The following PDE8A variants were observed in gnomAD, a reference collection of about 807,000 sequenced individuals.
PDE8A encodes the protein phosphodiesterase 8A.
PDE8A carries 59 observed loss-of-function variants against 105.0 expected under a neutral mutation model. That is an observed-to-expected ratio of 0.56 (90% confidence interval 0.46 to 0.70). PDE8A has a LOEUF of 0.70. PDE8A is among the 30% of genes least tolerant of loss of function. The pLI is 0.00. For synonymous variants in PDE8A, 355 were observed against 371.9 expected, an observed-to-expected ratio of 0.95 and a Z score of 0.52; for missense variants, 1,014 against 1,045.9, an observed-to-expected ratio of 0.97 and a Z score of 0.42.
intron 1 of PDE8A, among the ~76,000 whole-genome samples, chr15:85,020,079 G>A (rs1008283833): frequency 6.7e-6 from 1 of 150,304 alleles, no homozygotes; most frequent in Non-Finnish European, 1.5e-5. Context: ...TCAGAAATGA[G>A]TCAAAGAAGG....
chr15:85,001,176 G>C (rs911271254), intron 1 of PDE8A, among the ~76,000 whole-genome samples: 1 of 152,094 alleles, frequency 6.6e-6, no homozygotes, highest in Non-Finnish European at 1.5e-5. Flanking sequence ...CCAGGGACTT[G>C]ATAACCTCTG....
intron 19 of PDE8A, among the ~76,000 whole-genome samples, chr15:85,125,548 T>G (rs1026507216): frequency 1.3e-5 from 2 of 152,222 alleles, no homozygotes; most frequent in Admixed American, 6.5e-5. Context: ...GGCTGGTTGC[T>G]TTGGACAAGT....
intron 18 of PDE8A, 113 bp from the exon 19 acceptor site, chr15:85,122,948 A>G (rs1030982477): frequency 4.7e-6 from 5 of 1,071,136 alleles, no homozygotes; most frequent in Non-Finnish European, 6.9e-6. Flanking sequence ...TTTCAGTGGC[A>G]TTAGATTTAT....
intron 20 of PDE8A, among the ~76,000 whole-genome samples, chr15:85,135,114 G>A (rs967553033): frequency 2.6e-5 from 4 of 152,174 alleles, no homozygotes; most frequent in African/African-American, 7.2e-5. Context: ...GTGAGGCCCT[G>A]TGGAGCAAGG....
At chr15:85,006,459 CATTT>C (rs1483982384) in intron 1 of PDE8A, among the ~76,000 whole-genome samples, 1 of 152,118 alleles carries the variant, frequency 6.6e-6, no homozygotes, top group Non-Finnish European at 1.5e-5. Flanking sequence ...TGGGAATTAA[CATTT>C]AGTCTACCTG....
chr15:85,059,551 T>G (rs2081112759), intron 1 of PDE8A, among the ~76,000 whole-genome samples: 1 of 152,236 alleles, frequency 6.6e-6, no homozygotes, highest in African/African-American at 2.4e-5. Flanking sequence ...CTTGTTACTC[T>G]GTTGAATGTT....
rs548223977 is a variant in PDE8A, at chr15:85,080,002, G to A, written c.546+3215G>A. On this transcript the variant is annotated intron_variant, in intron 5 of 21. Transcript: ENST00000394553. ...TAGGCTGTTAGATTGGGTTGAAAAAGTACAATTCTATAACAGTTACAAGAC... is the reference window on the plus strand; with the variant it reads ...TAGGCTGTTAGATTGGGTTGAAAAAATACAATTCTATAACAGTTACAAGAC... 3.7e-4 allele frequency among the ~76,000 whole-genome samples: 57 copies of A among 152,136 alleles called. 1 individual carries two copies. Among genetic ancestry groups the A allele is most frequent in the South Asian group, 1.0e-3 (5 of 4,824 alleles).
At chr15:85,034,549 C>T (rs150938210) in intron 1 of PDE8A, among the ~76,000 whole-genome samples, 16 of 152,262 alleles carry the variant, frequency 1.1e-4, no homozygotes, top group African/African-American at 3.9e-4. Flanking sequence ...GCTGTTCCCT[C>T]ATCGTTAATA....
chr15:85,059,764 G>A (rs749878985), intron 1 of PDE8A, among the ~76,000 whole-genome samples: 4 of 152,118 alleles, frequency 2.6e-5, no homozygotes, highest in African/African-American at 9.7e-5. Flanking sequence ...GCCAATCTCT[G>A]TCTTTTGATT....
At chr15:85,005,716 C>A (rs1256174903) in intron 1 of PDE8A, among the ~76,000 whole-genome samples, 1 of 151,998 alleles carries the variant, frequency 6.6e-6, no homozygotes, top group South Asian at 2.1e-4. Flanking sequence ...CAATCTGATT[C>A]ATTCCTCTCA....
chr15:85,084,791 A>G (rs1813124074), intron 6 of PDE8A, among the ~76,000 whole-genome samples: 1 of 152,186 alleles, frequency 6.6e-6, no homozygotes. Flanking sequence ...ATCTGACTGT[A>G]ACCTCAAACC....
chr15:85,097,026 A>G lies in PDE8A; in HGVS notation c.853-922A>G, dbSNP rs62019507. ...TGGATAGCAAACCTCAGCTAAGCCA[A>G]CAAGGCTGCCATGGTGCTTAACACC... On this transcript the variant is annotated intron_variant, in intron 8 of 21. Coordinates refer to ENST00000394553, the MANE Select transcript of PDE8A (RefSeq NM_002605.3). 9.7e-3 allele frequency among the ~76,000 whole-genome samples: 1,481 copies of G among 152,270 alleles called. 10 individuals carry two copies. Among genetic ancestry groups the G allele is most frequent in the Non-Finnish European group, 0.017 (1,140 of 68,024 alleles).
chr15:85,102,355 T>A (rs963625376), intron 11 of PDE8A, among the ~76,000 whole-genome samples: 2 of 152,126 alleles, frequency 1.3e-5, no homozygotes, highest in Non-Finnish European at 2.9e-5. Context: ...GTGCTTTGCA[T>A]TCAAGAGCTC....
At chr15:85,104,373 A>G (rs545657297) in intron 11 of PDE8A, among the ~76,000 whole-genome samples, 80 of 152,274 alleles carry the variant, frequency 5.3e-4, no homozygotes, top group African/African-American at 1.9e-3. Flanking sequence ...AGGCATCGCG[A>G]AGCGAGGCTG....
Position 85,139,102 on chromosome 15 carries a change from T to C in PDE8A, c.*1199T>C, listed in dbSNP as rs927095422. 6.6e-6 allele frequency: 1 copy of C among 152,218 alleles called. No individual in the cohort carries two copies. Among genetic ancestry groups the C allele is most frequent in the Non-Finnish European group, 1.5e-5 (1 of 68,042 alleles). The allele number at this position is 152,218 out of a possible 1,614,324, so 9.4% of individuals were successfully genotyped here. A position where few individuals can be genotyped will look rare whatever the true frequency, so the allele number is the denominator to read the frequency against. ...TTTAAACTCGTATTTGTGGTTTTTTTCCCAGATAAAAATGAAATTAAACCA... is the reference window on the plus strand; with the variant it reads ...TTTAAACTCGTATTTGTGGTTTTTTCCCCAGATAAAAATGAAATTAAACCA... On this transcript the variant is annotated 3_prime_UTR_variant, in exon 22 of 22. Coordinates refer to ENST00000394553, the MANE Select transcript of PDE8A (RefSeq NM_002605.3).
chr15:85,021,419 C>T (rs1027125563), intron 1 of PDE8A, among the ~76,000 whole-genome samples: 2 of 151,836 alleles, frequency 1.3e-5, no homozygotes, highest in Admixed American at 6.6e-5. Context: ...GGCCTTTGCC[C>T]GTAGTCCTAG....
intron 9 of PDE8A, among the ~76,000 whole-genome samples, chr15:85,098,478 T>G (rs1422060364): frequency 1.3e-5 from 2 of 152,208 alleles, no homozygotes; most frequent in East Asian, 3.8e-4. Flanking sequence ...GATGTGACTG[T>G]AGATTGGAAA....
intron 1 of PDE8A, among the ~76,000 whole-genome samples, chr15:85,048,703 G>A (rs1047264486): frequency 6.6e-6 from 1 of 152,130 alleles, no homozygotes; most frequent in African/African-American, 2.4e-5. Flanking sequence ...AAAACTCATC[G>A]TTCAAACTGG....
At chr15:85,093,239 G>A (rs2081678711) in intron 8 of PDE8A, among the ~76,000 whole-genome samples, 1 of 152,112 alleles carries the variant, frequency 6.6e-6, no homozygotes, top group Non-Finnish European at 1.5e-5. Flanking sequence ...CTGGGTATTT[G>A]TTTCGTTTTT....
Sources: allele counts gnomAD v4.1 joint callset (sites outside exome capture counted in the v4.1 genomes callset), GRCh38; gene constraint gnomAD v4.1.1; transcripts MANE v1.5; gene names NCBI Gene and HGNC (gene_info 2026-07-23, HGNC 2026-07-21).